BMPR1A: variants seen among roughly 807,000 people sequenced by gnomAD.
BMPR1A encodes bone morphogenetic protein receptor type 1A.
BMPR1A carries 7 observed loss-of-function variants against 66.0 expected under a neutral mutation model. That is an observed-to-expected ratio of 0.11 (90% CI 0.06 to 0.20). The LOEUF is 0.20. Among genes scored for constraint, BMPR1A ranks in the 10% least tolerant of loss-of-function variants. The pLI is 1.00. For synonymous variants in BMPR1A, 200 were observed against 229.7 expected, an observed-to-expected ratio of 0.87 and a Z score of 1.17; for missense variants, 408 against 669.1, an observed-to-expected ratio of 0.61 and a Z score of 4.31.
chr10:86,804,904 A>G (rs369287262), intron 1 of BMPR1A, among the ~76,000 whole-genome samples: 1 of 151,396 alleles, frequency 6.6e-6, no homozygotes, highest in East Asian at 2.0e-4. Context: ...TCCAAAATCA[A>G]GGGATCCAAA....
chr10:86,820,004 C>A (rs911674134), intron 1 of BMPR1A, among the ~76,000 whole-genome samples: 2 of 152,178 alleles, frequency 1.3e-5, no homozygotes, highest in Admixed American at 6.5e-5. Context: ...AACCCTGCTT[C>A]TCACCCTGTA....
chr10:86,877,658 T>G (rs920640418), intron 3 of BMPR1A, among the ~76,000 whole-genome samples: 1 of 152,240 alleles, frequency 6.6e-6, no homozygotes, highest in Non-Finnish European at 1.5e-5. Context: ...CCACTTTTAC[T>G]TGTGAAACAC....
rs553379316 is a variant in BMPR1A at position 86,871,116 on chromosome 10, T to G, written c.-152-4751T>G. Among the ~76,000 whole-genome samples the G allele has an allele frequency of 8.5e-5, 13 of 152,292 alleles. No individual in the cohort carries two copies. The South Asian group carries it at 2.7e-3, about 32-fold the overall frequency. Reference sequence around the variant, plus strand: ...CACGGTGTTCCCTGTGCTTAGAACTTCCCGTCTTTCTTTGCCTGACTGACT... The same window carrying G: ...CACGGTGTTCCCTGTGCTTAGAACTGCCCGTCTTTCTTTGCCTGACTGACT... On this transcript the variant is annotated intron_variant, in intron 2 of 12. Coordinates refer to ENST00000372037, the MANE Select transcript of BMPR1A (RefSeq NM_004329.3).
At chr10:86,912,681 A>G (rs1843508783) in intron 8 of BMPR1A, among the ~76,000 whole-genome samples, 1 of 152,248 alleles carries the variant, frequency 6.6e-6, no homozygotes, top group Admixed American at 6.5e-5. Context: ...GGCAAGAGTT[A>G]GCTCACAAGT....
At chr10:86,795,140 C>T (rs898648480) in intron 1 of BMPR1A, among the ~76,000 whole-genome samples, 3 of 151,914 alleles carry the variant, frequency 2.0e-5, no homozygotes, top group African/African-American at 7.2e-5. Flanking sequence ...GGTGAGCCAC[C>T]ACTCCTGGCC....
At chr10:86,863,797 G>A (rs1343348486) in intron 2 of BMPR1A, among the ~76,000 whole-genome samples, 1 of 151,858 alleles carries the variant, frequency 6.6e-6, no homozygotes, top group Non-Finnish European at 1.5e-5. Context: ...TAGTGTAAGA[G>A]CCTCTACTCC....
chr10:86,784,517 T>A (rs1841488773), intron 1 of BMPR1A, among the ~76,000 whole-genome samples: 1 of 152,216 alleles, frequency 6.6e-6, no homozygotes, highest in Non-Finnish European at 1.5e-5. Flanking sequence ...TTTGAGAATA[T>A]GTGCATCAAA....
At chr10:86,777,664 A>G (rs1010587178) in intron 1 of BMPR1A, among the ~76,000 whole-genome samples, 1 of 152,080 alleles carries the variant, frequency 6.6e-6, no homozygotes, top group African/African-American at 2.4e-5. Context: ...TCATTATTTT[A>G]TACAACAGAT....
At chr10:86,905,031 ATTAAAG>A (rs1216215211) in intron 7 of BMPR1A, among the ~76,000 whole-genome samples, 19 of 152,366 alleles carry the variant, frequency 1.2e-4, no homozygotes, top group African/African-American at 2.2e-4. Flanking sequence ...AAAGAATAAA[ATTAAAG>A]TTAAAGAGAG....
chr10:86,842,598 G>A lies in BMPR1A; in HGVS notation c.-153+3619G>A, dbSNP rs1198692368. 1.7e-4 allele frequency among the ~76,000 whole-genome samples: 26 copies of A among 152,138 alleles called. 1 individual carries two copies. The highest frequency in any genetic ancestry group is 1.7e-3 in the Admixed American group (26 of 15,264). On this transcript the variant is annotated intron_variant, in intron 2 of 12. Coordinates refer to ENST00000372037, the MANE Select transcript of BMPR1A (RefSeq NM_004329.3). ...TCATTGAAAAATTTTAACATTTAAA[G>A]ATATTTTGGATCGTAATTTTTTGTT...
intron 5 of BMPR1A, among the ~76,000 whole-genome samples, chr10:86,892,576 A>G (rs1564715660): frequency 1.3e-5 from 2 of 152,186 alleles, no homozygotes; most frequent in Non-Finnish European, 2.9e-5. Flanking sequence ...CTACAGGTGC[A>G]TGCCACTATA....
At chr10:86,874,492 G>A (rs1049116819) in intron 2 of BMPR1A, among the ~76,000 whole-genome samples, 1 of 151,318 alleles carries the variant, frequency 6.6e-6, no homozygotes, top group African/African-American at 2.4e-5. Flanking sequence ...TGCAAGCTTC[G>A]CTTACTGGGT....
chr10:86,823,408 T>C (rs1424134610), intron 1 of BMPR1A, among the ~76,000 whole-genome samples: 1 of 152,248 alleles, frequency 6.6e-6, no homozygotes, highest in East Asian at 1.9e-4. Flanking sequence ...TTAAACAACT[T>C]GGTCAAAGGA....
chr10:86,760,189 T>TGG (rs1554875561), intron 1 of BMPR1A, among the ~76,000 whole-genome samples: 7 of 38,672 alleles, frequency 1.8e-4, no homozygotes, highest in African/African-American at 1.2e-4. Context: ...GATTTACCTG[T>TGG]TTTTTTTTTT....
At chr10:86,883,853 C>T (rs1843028047) in intron 3 of BMPR1A, among the ~76,000 whole-genome samples, 1 of 147,072 alleles carries the variant, frequency 6.8e-6, no homozygotes, top group East Asian at 2.1e-4. Context: ...ACAGTGTAAA[C>T]TTTGTTTGAG....
At chr10:86,866,982 A>G (rs1842795028) in intron 2 of BMPR1A, among the ~76,000 whole-genome samples, 4 of 152,214 alleles carry the variant, frequency 2.6e-5, no homozygotes, top group Non-Finnish European at 5.9e-5. Flanking sequence ...AGTTATAAAA[A>G]TGACAGTGAC....
chr10:86,892,044 CCTG>C, intron 4 of BMPR1A, 80 bp from the exon 5 acceptor site: 1 of 1,044,882 alleles, frequency 9.6e-7, no homozygotes. Context: ...GCCATCTGTA[CCTG>C]TTCACATTCA....
intron 2 of BMPR1A, among the ~76,000 whole-genome samples, chr10:86,844,925 C>T (rs1382152577): frequency 1.3e-5 from 2 of 152,104 alleles, no homozygotes; most frequent in Admixed American, 6.5e-5. Flanking sequence ...TACAGGCACC[C>T]GCCACCACGC....
intron 1 of BMPR1A, among the ~76,000 whole-genome samples, chr10:86,766,182 G>A (rs762536712): frequency 6.6e-6 from 1 of 151,840 alleles, no homozygotes; most frequent in Non-Finnish European, 1.5e-5. Flanking sequence ...TGTGGAGGTG[G>A]GATCTCACCA....
Sources: allele counts gnomAD v4.1 joint callset (sites outside exome capture counted in the v4.1 genomes callset), GRCh38; gene constraint gnomAD v4.1.1; transcripts MANE v1.5; gene names NCBI Gene and HGNC (gene_info 2026-07-23, HGNC 2026-07-21).